ATRN: variants seen among roughly 807,000 people sequenced by gnomAD.
ATRN encodes attractin-2.
A neutral mutation model predicts 178.7 loss-of-function variants in ATRN; 54 were observed. The ratio of observed to expected loss-of-function variants is 0.30; its 90% CI spans 0.24 to 0.38. ATRN has a LOEUF of 0.38. ATRN is among the 10% of genes least tolerant of loss of function. The probability of loss-of-function intolerance (pLI) is 1.00; values close to 1 mark genes in which losing one functional copy is unlikely to be tolerated. For synonymous variants in ATRN, 636 were observed against 663.0 expected, an observed-to-expected ratio of 0.96 and a Z score of 0.63; for missense variants, 1,443 against 1,815.1, an observed-to-expected ratio of 0.79 and a Z score of 3.73.
intron 11 of ATRN, among the ~76,000 whole-genome samples, chr20:3,566,161 TG>T (rs905950749): frequency 1.3e-5 from 2 of 152,130 alleles, no homozygotes; most frequent in African/African-American, 2.4e-5. Flanking sequence ...GCACTTCAGA[TG>T]GGGGGATAAG....
chr20:3,549,942 G>A (rs2085763122), intron 6 of ATRN, among the ~76,000 whole-genome samples: 1 of 152,140 alleles, frequency 6.6e-6, no homozygotes, highest in Non-Finnish European at 1.5e-5. Context: ...GGCAGTGGTG[G>A]CCTAGTTTCT....
intron 17 of ATRN, 123 bp from the exon 18 acceptor site, chr20:3,584,524 A>T: frequency 1.4e-6 from 1 of 736,834 alleles, no homozygotes; most frequent in Non-Finnish European, 2.2e-6. Flanking sequence ...TATCTCTTTT[A>T]AATAATCAAG....
intron 24 of ATRN, among the ~76,000 whole-genome samples, chr20:3,604,602 A>T (rs921728966): frequency 1.3e-5 from 2 of 152,252 alleles, no homozygotes; most frequent in Admixed American, 6.5e-5. Flanking sequence ...AGTAAGGTGG[A>T]TGTAAGTGAA....
At chr20:3,488,372 G>A (rs1284290501) in intron 1 of ATRN, among the ~76,000 whole-genome samples, 4 of 151,780 alleles carry the variant, frequency 2.6e-5, no homozygotes, top group Non-Finnish European at 5.9e-5. Context: ...GTGTGTGTGT[G>A]TGGTGCGAGG....
At chr20:3,639,351 C>G (rs2087049852) in intron 27 of ATRN, among the ~76,000 whole-genome samples, 1 of 152,118 alleles carries the variant, frequency 6.6e-6, no homozygotes, top group South Asian at 2.1e-4. Flanking sequence ...CTCCCGGGTT[C>G]AAGCGATTCT....
intron 28 of ATRN, among the ~76,000 whole-genome samples, 156 bp from the exon 29 acceptor site, chr20:3,646,567 C>T (rs1362083332): frequency 6.6e-6 from 1 of 152,062 alleles, no homozygotes; most frequent in African/African-American, 2.4e-5. Flanking sequence ...AAGACTTTTC[C>T]CTGTGTATGT....
intron 9 of ATRN, 102 bp downstream of exon 9, chr20:3,562,561 A>G: frequency 8.3e-7 from 1 of 1,199,370 alleles, no homozygotes; most frequent in Non-Finnish European, 1.2e-6. Context: ...CCTGGCAGAT[A>G]ATTCTGTTCG....
intron 12 of ATRN, among the ~76,000 whole-genome samples, 158 bp downstream of exon 12, chr20:3,573,109 G>A (rs1041900162): frequency 6.6e-6 from 1 of 152,078 alleles, no homozygotes; most frequent in Non-Finnish European, 1.5e-5. Flanking sequence ...TTGATAATTG[G>A]TTTGTAAACA....
At chr20:3,582,993 T>A (rs988271705) in intron 16 of ATRN, among the ~76,000 whole-genome samples, 7 of 152,290 alleles carry the variant, frequency 4.6e-5, no homozygotes, top group Admixed American at 1.3e-4. Flanking sequence ...CTCCTCCTCC[T>A]GCAGAGGGAC....
At chr20:3,610,959 C>T (rs1037057617) in intron 24 of ATRN, among the ~76,000 whole-genome samples, 12 of 151,880 alleles carry the variant, frequency 7.9e-5, no homozygotes, top group South Asian at 2.1e-4. Flanking sequence ...AGCCTTTTAA[C>T]GAATAGTGCT....
intron 3 of ATRN, among the ~76,000 whole-genome samples, chr20:3,543,941 G>A (rs2085661585): frequency 6.6e-6 from 1 of 152,128 alleles, no homozygotes; most frequent in South Asian, 2.1e-4. Context: ...GGCTGAGGTG[G>A]GAAGATTTCT....
intron 27 of ATRN, among the ~76,000 whole-genome samples, chr20:3,641,833 T>C (rs889745895): frequency 2.6e-5 from 4 of 152,012 alleles, no homozygotes; most frequent in Admixed American, 2.6e-4. Context: ...AAAAGAAATG[T>C]CTGAAGGATG....
chr20:3,637,925 T>A (rs1323754262), intron 26 of ATRN, among the ~76,000 whole-genome samples: 1 of 152,136 alleles, frequency 6.6e-6, no homozygotes, highest in East Asian at 1.9e-4. Flanking sequence ...GAAGGAAGGG[T>A]TCTTTCAGTT....
At chr20:3,511,475 TTGTTGTATAATTTTTAAACTATA>T (rs1452244338) in intron 1 of ATRN, among the ~76,000 whole-genome samples, 3 of 152,078 alleles carry the variant, frequency 2.0e-5, no homozygotes, top group African/African-American at 4.8e-5. Context: ...TCAGTTTGTT[TTGTTGTATAATTTTTAAACTATA>T]TGGCACAACA....
At chr20:3,471,640 T>C in intron 1 of ATRN, 123 bp downstream of exon 1, 1 of 1,265,738 alleles carries the variant, frequency 7.9e-7, no homozygotes, top group Non-Finnish European at 1.0e-6. Context: ...GGCCGCCCTA[T>C]GGGGTTTGAG....
At chr20:3,630,916 CTTTTTTTTTTTTTTTTTTTTTTTTTTTTT>C (rs368394749) in intron 25 of ATRN, among the ~76,000 whole-genome samples, 74 of 43,458 alleles carry the variant, frequency 1.7e-3, no homozygotes, top group African/African-American at 4.6e-3. Context: ...ATTTATTTAG[CTTTTTTTTTTTTTTTTTTTTTTTTTTTTT>C]TTTTTTTTTT....
chr20:3,611,565 A>G (rs1335479306), intron 24 of ATRN, among the ~76,000 whole-genome samples: 1 of 152,150 alleles, frequency 6.6e-6, no homozygotes, highest in African/African-American at 2.4e-5. Context: ...AACATGGCAA[A>G]ACCCCGTCTC....
At chr20:3,511,857 T>A (rs1433504007) in intron 1 of ATRN, among the ~76,000 whole-genome samples, 1 of 152,052 alleles carries the variant, frequency 6.6e-6, no homozygotes, top group Non-Finnish European at 1.5e-5. Context: ...GTTTACTACA[T>A]GTTTAAGCAT....
intron 6 of ATRN, among the ~76,000 whole-genome samples, chr20:3,554,990 CTTTTTTTTTTTTTTTTT>C (rs536209701): frequency 2.2e-4 from 15 of 67,458 alleles, no homozygotes; most frequent in Non-Finnish European, 1.7e-4. Context: ...GACCTGACCT[CTTTTTTTTTTTTTTTTT>C]TTTTTTTTTT....
Sources: gnomAD v4.1 joint callset for allele counts (sites outside exome capture counted in the v4.1 genomes callset) on GRCh38, gnomAD v4.1.1 for gene constraint, MANE v1.5 for transcripts, NCBI Gene and HGNC (gene_info 2026-07-23, HGNC 2026-07-21) for gene names.